SLC4A10: variants seen among roughly 807,000 people sequenced by gnomAD.
SLC4A10 encodes solute carrier family 4 member 10, also known as sodium-driven chloride bicarbonate exchanger.
In SLC4A10, 42 loss-of-function variants were observed where a neutral mutation model predicts 137.7. The ratio of observed to expected loss-of-function variants is 0.30; its 90% CI spans 0.24 to 0.39. The LOEUF is 0.39. SLC4A10 is among the 10% of genes least tolerant of loss of function. The pLI, the probability that SLC4A10 is intolerant of heterozygous loss-of-function variation, is 1.00. For missense variants in SLC4A10, 925 were observed against 1,355.0 expected (o/e 0.68, Z 4.98); for synonymous variants, 474 against 464.1 (o/e 1.02, Z -0.27).
chr2:161,816,480 C>T (rs1344669657), intron 3 of SLC4A10, among the ~76,000 whole-genome samples: 1 of 151,606 alleles, frequency 6.6e-6, no homozygotes, highest in African/African-American at 2.4e-5. Flanking sequence ...TTTGGGCACT[C>T]TTTTTTTTAT....
At chr2:161,820,516 G>GT (rs1228880545) in intron 3 of SLC4A10, among the ~76,000 whole-genome samples, 2 of 152,090 alleles carry the variant, frequency 1.3e-5, no homozygotes, top group African/African-American at 4.8e-5. Flanking sequence ...TTTACAATGG[G>GT]TATTTTGCTT....
chr2:161,964,254 T>C lies in SLC4A10; in HGVS notation c.2982T>C (p.Leu994=). 6.2e-7 allele frequency: 1 copy of C among 1,613,654 alleles called. No individual in the cohort carries two copies. The highest frequency in any genetic ancestry group is 8.5e-7 in the Non-Finnish European group (1 of 1,179,668). ...HLFTIIQMSC[L]GLLWIIKVSR... ...TCACAATTATTCAGATGAGTTGCCT[T>C]GGCCTTTTGTGGATAATAAAAGTTT... The change falls in exon 22 of 27, where the codon CTT becomes CTC. Residue 994 remains leucine (L), a synonymous_variant. Coordinates refer to ENST00000446997, the MANE Select transcript of SLC4A10 (RefSeq NM_001178015.2).
intron 1 of SLC4A10, among the ~76,000 whole-genome samples, chr2:161,647,996 A>C (rs2036289476): frequency 6.6e-6 from 1 of 152,196 alleles, no homozygotes; most frequent in South Asian, 2.1e-4. Context: ...GCATTCATGC[A>C]TTTTTCAAAA....
At chr2:161,639,106 A>C (rs1366392093) in intron 1 of SLC4A10, among the ~76,000 whole-genome samples, 1 of 152,122 alleles carries the variant, frequency 6.6e-6, no homozygotes, top group African/African-American at 2.4e-5. Flanking sequence ...AGAACAGACC[A>C]ATAACAAGTA....
chr2:161,624,478 C>T lies in SLC4A10; in HGVS notation c.-41C>T. ...CGGGCTGAGTGTAAGACACTGAAGA[C>T]ACTGCAGAGCAAGGTGCTTATTCCA... On this transcript the variant is annotated 5_prime_UTR_variant, in exon 1 of 27. Transcript: ENST00000446997. 6.4e-7 allele frequency: 1 copy of T among 1,551,540 alleles called. No individual in the cohort carries two copies. The highest frequency in any genetic ancestry group is 1.4e-5 in the African/African-American group (1 of 73,130).
At chr2:161,743,193 C>A (rs997004632) in intron 1 of SLC4A10, among the ~76,000 whole-genome samples, 1 of 152,154 alleles carries the variant, frequency 6.6e-6, no homozygotes, top group Non-Finnish European at 1.5e-5. Flanking sequence ...AATCTTTGCC[C>A]AGACTGATGT....
At chr2:161,839,008 A>G (rs190767695) in intron 3 of SLC4A10, among the ~76,000 whole-genome samples, 2 of 152,356 alleles carry the variant, frequency 1.3e-5, no homozygotes, top group East Asian at 3.9e-4. Flanking sequence ...AAGCCTACAC[A>G]AGAATACTTA....
At position 161,779,048 on chromosome 2, in the gene SLC4A10, C is replaced by T. The variant is rs140203525; in HGVS notation, c.130+7994C>T. Among the ~76,000 whole-genome samples the T allele has an allele frequency of 3.5e-3, 537 of 152,028 alleles. 5 individuals are homozygous for T. Among genetic ancestry groups the T allele is most frequent in the African/African-American group, 0.012 (504 of 41,498 alleles). On this transcript the variant is annotated intron_variant, in intron 2 of 26. Coordinates refer to ENST00000446997, the MANE Select transcript of SLC4A10 (RefSeq NM_001178015.2). ...CTGAGAAGTTCAAAAACTATGGCAC[C>T]GGCATCTTCTTGGCTTCTGGTGAGG...
chr2:161,815,813 A>T (rs957188256), intron 3 of SLC4A10, among the ~76,000 whole-genome samples: 1 of 152,116 alleles, frequency 6.6e-6, no homozygotes, highest in African/African-American at 2.4e-5. Context: ...AATTTGGTGA[A>T]ACTTGGAAAT....
At chr2:161,851,547 C>T (rs1031705560) in intron 4 of SLC4A10, among the ~76,000 whole-genome samples, 4 of 152,042 alleles carry the variant, frequency 2.6e-5, no homozygotes, top group Non-Finnish European at 5.9e-5. Flanking sequence ...TTTTAGCATT[C>T]TTAAAATTTA....
chr2:161,930,528 T>C (rs1222482859), intron 15 of SLC4A10, among the ~76,000 whole-genome samples: 1 of 150,232 alleles, frequency 6.7e-6, no homozygotes, highest in Non-Finnish European at 1.5e-5. Context: ...TTATACTTAC[T>C]GAATAAATTA....
intron 2 of SLC4A10, among the ~76,000 whole-genome samples, chr2:161,772,421 A>G (rs1344684811): frequency 1.3e-5 from 2 of 151,900 alleles, no homozygotes; most frequent in Non-Finnish European, 2.9e-5. Flanking sequence ...CTTGATTTTA[A>G]AGATGGTGAA....
intron 15 of SLC4A10, among the ~76,000 whole-genome samples, chr2:161,921,769 T>C (rs1458313926): frequency 6.6e-6 from 1 of 152,138 alleles, no homozygotes; most frequent in African/African-American, 2.4e-5. Flanking sequence ...TAAATGGGGG[T>C]AAACCCAGGA....
chr2:161,645,872 G>C (rs1490367128), intron 1 of SLC4A10, among the ~76,000 whole-genome samples: 1 of 151,972 alleles, frequency 6.6e-6, no homozygotes, highest in African/African-American at 2.4e-5. Context: ...TTGAGAATCT[G>C]TATTATTTAC....
intron 1 of SLC4A10, among the ~76,000 whole-genome samples, chr2:161,720,301 T>C (rs2045497470): frequency 6.6e-6 from 1 of 152,194 alleles, no homozygotes; most frequent in African/African-American, 2.4e-5. Flanking sequence ...ACTGTAGCCT[T>C]GTAGTATAGT....
At chr2:161,780,688 T>A (rs569529623) in intron 2 of SLC4A10, among the ~76,000 whole-genome samples, 8 of 152,102 alleles carry the variant, frequency 5.3e-5, no homozygotes, top group Non-Finnish European at 1.2e-4. Context: ...CGATTTAATC[T>A]ATTAATACTT....
chr2:161,963,537 C>G (rs1379115486), intron 21 of SLC4A10, among the ~76,000 whole-genome samples: 2 of 152,094 alleles, frequency 1.3e-5, no homozygotes, highest in Non-Finnish European at 2.9e-5. Flanking sequence ...ATAAAGACAG[C>G]ATCTAAACTT....
chr2:161,756,622 C>T (rs2049680855), intron 1 of SLC4A10, among the ~76,000 whole-genome samples: 1 of 152,120 alleles, frequency 6.6e-6, no homozygotes, highest in Non-Finnish European at 1.5e-5. Flanking sequence ...GCCCACTGTA[C>T]CTGGGAAGAG....
At chr2:161,627,620 T>C (rs1013294018) in intron 1 of SLC4A10, among the ~76,000 whole-genome samples, 7 of 152,108 alleles carry the variant, frequency 4.6e-5, no homozygotes, top group African/African-American at 1.4e-4. Flanking sequence ...GGCCTAGATA[T>C]GTTTCTCTTT....
Sources: gnomAD v4.1 joint callset for allele counts (sites outside exome capture counted in the v4.1 genomes callset) on GRCh38, gnomAD v4.1.1 for gene constraint, MANE v1.5 for transcripts, NCBI Gene and HGNC (gene_info 2026-07-23, HGNC 2026-07-21) for gene names.